Variants in COP1 observed in about 807,000 individuals in gnomAD.
COP1 encodes COP1 E3 ubiquitin ligase.
In COP1, 24 loss-of-function variants were observed where a neutral mutation model predicts 101.3. The observed-to-expected ratio is 0.24, with a 90% CI of 0.17 to 0.33. COP1 has a LOEUF of 0.33. Ranked by LOEUF, COP1 falls within the 10% of genes least tolerant of loss-of-function variation. The pLI is 1.00. For missense variants in COP1, 663 were observed against 906.2 expected (o/e 0.73, Z 3.45); for synonymous variants, 347 against 341.9 (o/e 1.01, Z -0.17).
At chr1:176,085,704 A>G in intron 10 of COP1, 72 bp downstream of exon 10, 1 of 863,424 alleles carries the variant, frequency 1.2e-6, no homozygotes, top group Non-Finnish European at 1.8e-6. Context: ...CTTTCCATAA[A>G]TTCAGCACAA....
At chr1:175,991,329 TA>T (rs1658387900) in intron 15 of COP1, among the ~76,000 whole-genome samples, 1 of 152,140 alleles carries the variant, frequency 6.6e-6, no homozygotes. Context: ...GTAACAATGG[TA>T]AATATTTACG....
intron 11 of COP1, among the ~76,000 whole-genome samples, chr1:176,054,122 A>G (rs1673043338): frequency 6.6e-6 from 1 of 151,682 alleles, no homozygotes; most frequent in African/African-American, 2.4e-5. Context: ...ACTCTTCACA[A>G]ATTTCCCATA....
At chr1:176,006,568 T>C (rs1188603846) in intron 15 of COP1, among the ~76,000 whole-genome samples, 2 of 152,216 alleles carry the variant, frequency 1.3e-5, no homozygotes, top group Admixed American at 1.3e-4. Context: ...CCTCAGCATT[T>C]GCTGGTCTGT....
chr1:175,983,362 A>G (rs1656331859), intron 18 of COP1, among the ~76,000 whole-genome samples: 1 of 152,182 alleles, frequency 6.6e-6, no homozygotes, highest in African/African-American at 2.4e-5. Context: ...TGATGGTTTT[A>G]AAAAGGGGAG....
At chr1:176,194,074 G>A (rs193174035) in intron 1 of COP1, among the ~76,000 whole-genome samples, 3 of 152,232 alleles carry the variant, frequency 2.0e-5, no homozygotes, top group Admixed American at 2.0e-4. Context: ...ATATTTGAAG[G>A]TAGAACACAA....
In COP1 at chr1:176,108,048, T is replaced by C. The variant is rs537533218; in HGVS notation, c.1026+8576A>G. On this transcript the variant is annotated intron_variant, in intron 9 of 19. Transcript: ENST00000367669. ...CCTGGACCAGATTTTTTTTTTTTTCTATAAAGGACATTAGTGAATACACTG... is the reference window on the plus strand; with the variant it reads ...CCTGGACCAGATTTTTTTTTTTTTCCATAAAGGACATTAGTGAATACACTG... Among the ~76,000 whole-genome samples, 1,067 of 148,472 alleles carry C rather than the reference T, an allele frequency of 7.2e-3. 13 individuals are homozygous for C. The highest frequency in any genetic ancestry group is 0.025 in the African/African-American group (1,006 of 40,652).
rs1558317425 is a variant in COP1, at chr1:176,206,651, T to C, written c.328A>G (p.Ser110Gly). 2 of 1,611,664 alleles carry C rather than the reference T, an allele frequency of 1.2e-6. No homozygotes were observed. The highest frequency in any genetic ancestry group is 1.3e-5 in the African/African-American group (1 of 75,066). Residue 110 changes from serine (S) to glycine (G), a missense_variant, in exon 1 of 20, where the codon AGC becomes GGC. By Grantham distance (56) the Ser-to-Gly change is moderately conservative. Coordinates refer to ENST00000367669, the MANE Select transcript of COP1 (RefSeq NM_022457.7). Reference sequence around the variant, plus strand: ...GGGGCGAGGAGAGGTCGCTTCCTGCTGCCGCTGCCTAGGCTGGAGCTGCTG... The same window carrying C: ...GGGGCGAGGAGAGGTCGCTTCCTGCCGCCGCTGCCTAGGCTGGAGCTGCTG... ...GGSSSSLGSG[S>G]RKRPLLAPLC...
At chr1:176,022,495 T>C (rs1666922366) in intron 15 of COP1, among the ~76,000 whole-genome samples, 1 of 152,206 alleles carries the variant, frequency 6.6e-6, no homozygotes, top group Non-Finnish European at 1.5e-5. Flanking sequence ...CTCTCAGTGG[T>C]AAACTAAACA....
chr1:176,163,710 A>G (rs1694692357), intron 4 of COP1, 105 bp downstream of exon 4: 1 of 689,232 alleles, frequency 1.5e-6, no homozygotes, highest in Admixed American at 3.2e-5. Flanking sequence ...ATCGCCTTTT[A>G]AGAAAAATCA....
At chr1:176,007,147 G>T (rs1444440383) in intron 15 of COP1, among the ~76,000 whole-genome samples, 6 of 152,070 alleles carry the variant, frequency 3.9e-5, no homozygotes, top group Non-Finnish European at 8.8e-5. Context: ...GGCTCCTGAG[G>T]CTTCTGCATT....
At chr1:176,103,600 G>C (rs1182860476) in intron 9 of COP1, among the ~76,000 whole-genome samples, 1 of 152,146 alleles carries the variant, frequency 6.6e-6, no homozygotes, top group Non-Finnish European at 1.5e-5. Context: ...TTTCTTTTGA[G>C]CACCATATCA....
Position 176,184,637 on chromosome 1 carries a change from A to C in COP1, c.463T>G (p.Phe155Val). ...TACTCAATAGAATTGTCTTACCAAA[A>C]GCTGTGGCCACATTTTGTCATGTAT... ...EAYMTKCGHS[F>V]CYKCIHQSLE... The change falls in exon 2 of 20, where the codon TTT becomes GTT. Residue 155 changes from phenylalanine to valine, a missense_variant. By Grantham distance (50) the Phe-to-Val change is conservative. This residue lies in a region of COP1 where 38 missense variants were observed against 78.5 expected (regional missense o/e 0.48). Transcript: ENST00000367669. 6.2e-7 allele frequency: 1 copy of C among 1,602,780 alleles called. No homozygotes were observed. Among genetic ancestry groups the C allele is most frequent in the Non-Finnish European group, 8.5e-7 (1 of 1,172,844 alleles).
intron 9 of COP1, among the ~76,000 whole-genome samples, chr1:176,103,723 A>C (rs1683834212): frequency 6.6e-6 from 1 of 152,210 alleles, no homozygotes; most frequent in Non-Finnish European, 1.5e-5. Flanking sequence ...TTAATATCTC[A>C]AAATTAAAAG....
chr1:175,977,762 A>T (rs1212084101), intron 18 of COP1, among the ~76,000 whole-genome samples: 1 of 152,158 alleles, frequency 6.6e-6, no homozygotes, highest in African/African-American at 2.4e-5. Context: ...TAAGCAAAAC[A>T]TACTTATTTT....
In COP1 at chr1:176,098,460, T is replaced by C. The variant is rs115287115; in HGVS notation, c.1027-12570A>G. On this transcript the variant is annotated intron_variant, in intron 9 of 19. Coordinates refer to ENST00000367669, the MANE Select transcript of COP1 (RefSeq NM_022457.7). ...AGCTAAAAGTTTAACAGAGCGAGAC[T>C]CCATCTCAAAAAACAAACAAACAAA... Among the ~76,000 whole-genome samples, 1,412 of 152,184 alleles carry C rather than the reference T, an allele frequency of 9.3e-3. 24 individuals carry two copies. The highest frequency in any genetic ancestry group is 0.032 in the African/African-American group (1,341 of 41,522).
rs1433880705 is a variant in COP1 at position 175,947,104 on chromosome 1, C to G, written c.2178+91G>C. On this transcript the variant is annotated intron_variant, in intron 19 of 19. Coordinates refer to ENST00000367669, the MANE Select transcript of COP1 (RefSeq NM_022457.7). Reference sequence around the variant, plus strand: ...ACAGACCCATGATTTGGGATGATCTCTAAGGCTCAGTACAATGGTGTATTT... The same window carrying G: ...ACAGACCCATGATTTGGGATGATCTGTAAGGCTCAGTACAATGGTGTATTT... The G allele has an allele frequency of 7.8e-6, 7 of 900,560 alleles. No homozygotes were observed. In the East Asian group the frequency reaches 1.2e-4, roughly 16 times the overall value. 55.8% of individuals were successfully genotyped at this position (900,560 alleles called of 1,614,324 possible). A position where few individuals can be genotyped will look rare whatever the true frequency, so the allele number is the denominator to read the frequency against.
At chr1:175,997,360 A>ATGT (rs1307432086) in intron 15 of COP1, among the ~76,000 whole-genome samples, 8 of 152,032 alleles carry the variant, frequency 5.3e-5, no homozygotes, top group Non-Finnish European at 1.2e-4. Flanking sequence ...TGTCTAAAAC[A>ATGT]CCAAAAGCAA....
chr1:176,043,427 T>A (rs918616989), intron 13 of COP1, among the ~76,000 whole-genome samples, 160 bp from the exon 14 acceptor site: 14 of 152,162 alleles, frequency 9.2e-5, no homozygotes. Context: ...TGATATAAAG[T>A]ACTTCCAAAA....
chr1:176,093,567 C>T (rs970676275), intron 9 of COP1, among the ~76,000 whole-genome samples: 39 of 151,934 alleles, frequency 2.6e-4, no homozygotes, highest in African/African-American at 8.2e-4. Flanking sequence ...TGGCCAGGTG[C>T]GGTGGCTCAC....
Sources: gnomAD v4.1 joint callset for allele counts (sites outside exome capture counted in the v4.1 genomes callset) on GRCh38, gnomAD v4.1.1 for gene constraint, gnomAD v4.1.1 regional missense constraint, MANE v1.5 for transcripts, NCBI Gene and HGNC (gene_info 2026-07-23, HGNC 2026-07-21) for gene names.